POU2F2: variants seen among roughly 807,000 people sequenced by gnomAD.
POU2F2 encodes POU domain, class 2, transcription factor 2.
In POU2F2, 14 loss-of-function variants were observed where a neutral mutation model predicts 63.5. The ratio of observed to expected loss-of-function variants is 0.22; its 90% CI spans 0.15 to 0.34. The LOEUF is 0.34. Ranked by LOEUF, POU2F2 falls within the 10% of genes least tolerant of loss-of-function variation. The pLI is 1.00. For synonymous variants in POU2F2, 306 were observed against 348.6 expected, an observed-to-expected ratio of 0.88 and a Z score of 1.36; for missense variants, 607 against 815.2, an observed-to-expected ratio of 0.74 and a Z score of 3.11.
At chr19:42,139,481 C>T (rs1046135638) in intron 2 of POU2F2, among the ~76,000 whole-genome samples, 11 of 152,014 alleles carry the variant, frequency 7.2e-5, no homozygotes, top group African/African-American at 2.7e-4. Context: ...CCAGCTTGAA[C>T]ATTCTTTTAT....
intron 1 of POU2F2, among the ~76,000 whole-genome samples, chr19:42,132,077 C>T (rs1034207261): frequency 6.6e-6 from 1 of 152,200 alleles, no homozygotes; most frequent in Non-Finnish European, 1.5e-5. Flanking sequence ...TGTCACCCAC[C>T]CCACTGGTTC....
At chr19:42,137,385 A>C (rs1032451370), upstream of POU2F2, among the ~76,000 whole-genome samples, 6 of 152,030 alleles carry the variant, frequency 3.9e-5, no homozygotes, top group African/African-American at 1.4e-4. Context: ...AAAGCCATCA[A>C]ATAAATATGT....
chr19:42,183,980 G>A (rs910523752), intron 1 of POU2F2, among the ~76,000 whole-genome samples: 1 of 149,740 alleles, frequency 6.7e-6, no homozygotes, highest in Non-Finnish European at 1.5e-5. Flanking sequence ...AGGAAACTAT[G>A]AGACACGACT....
rs775649053 is a variant in POU2F2, at chr19:42,162,091, C to CG, written c.-69-1700dup. On this transcript the variant is annotated intron_variant, in intron 1 of 6. Coordinates refer to the POU2F2 transcript ENST00000524801. The surrounding 1 kb of genome is among the most constrained non-coding windows in gnomAD (Gnocchi z 4.1). ...GGTGGGCGAGGGAATCCCCAGGCCT[C>CG]GGGGGGGCCAGAGTCAGACAGCGCC... Among the ~76,000 whole-genome samples the CG allele has an allele frequency of 1.3e-5, 2 of 152,068 alleles. No homozygotes were observed. The highest frequency in any genetic ancestry group is 2.4e-5 in the African/African-American group (1 of 41,416).
At position 42,095,314 on chromosome 19, in the gene POU2F2, C is replaced by T. The variant is rs1239575730; in HGVS notation, c.1169G>A (p.Gly390Glu). 5.6e-6 allele frequency: 9 copies of T among 1,613,674 alleles called. No individual in the cohort carries two copies. The highest frequency in any genetic ancestry group is 1.3e-5 in the African/African-American group (1 of 74,920). Reference protein sequence around the residue: ...CSAAPMLPSPGKPASYSPHMV... With the variant: ...CSAAPMLPSPEKPASYSPHMV... ...ATGGGGGCTGTAGCTGGCCGGCTTC[C>T]CTGGGCTGGGCAGCATGGGGGCCGC... The change falls in exon 11 of 15, where the codon GGG (glycine) becomes GAG (glutamate). Residue 390 changes from glycine (G) to glutamate (E), a missense_variant. Coordinates refer to ENST00000692977, the MANE Select transcript of POU2F2 (RefSeq NM_001394376.1). This position sits in a 1 kb window ranked among gnomAD's most constrained non-coding sequence, Gnocchi z 7.1.
rs1175835225 is a variant in POU2F2, at chr19:42,152,244, A to ATTCTCCTATGAAGG, written c.-9+8074_-9+8087dup. On this transcript the variant is annotated intron_variant, in intron 2 of 6. Coordinates refer to the POU2F2 transcript ENST00000524801. The surrounding 1 kb of genome is among the most constrained non-coding windows in gnomAD (Gnocchi z 4.1). ...AAACAGGCAGATCTTCTGTGCTTAA[A>ATTCTCCTATGAAGG]TTCTCCTATGAAGGCTGAGGTGACT... is the stretch of plus-strand genomic sequence containing the variant. Among the ~76,000 whole-genome samples the ATTCTCCTATGAAGG allele has an allele frequency of 6.6e-6, 1 of 152,076 alleles. No individual in the cohort carries two copies. The highest frequency in any genetic ancestry group is 1.5e-5 in the Non-Finnish European group (1 of 68,006).
intron 5 of POU2F2, among the ~76,000 whole-genome samples, chr19:42,106,713 C>T (rs2030079888): frequency 6.7e-6 from 1 of 149,324 alleles, no homozygotes; most frequent in Non-Finnish European, 1.5e-5. Context: ...AGTTTGAGAC[C>T]AGCCTGGGCA....
chr19:42,137,946 T>A (rs1033953089), intron 2 of POU2F2, among the ~76,000 whole-genome samples: 5 of 150,820 alleles, frequency 3.3e-5, no homozygotes, highest in Non-Finnish European at 7.4e-5. Context: ...TGGAGCAGAG[T>A]GAACAAAGAA....
intron 11 of POU2F2, among the ~76,000 whole-genome samples, 178 bp from the exon 12 acceptor site, chr19:42,094,073 A>T (rs1283589716): frequency 6.6e-6 from 1 of 152,176 alleles, no homozygotes; most frequent in Non-Finnish European, 1.5e-5. Flanking sequence ...CTGAGCCACA[A>T]GCAGGAAGGG....
Position 42,095,542 on chromosome 19 carries a change from C to T in POU2F2, c.1020+3G>A. On this transcript the variant is annotated splice_donor_region_variant and intron_variant, in intron 10 of 14. Transcript: ENST00000692977. The surrounding 1 kb of genome is among the most constrained non-coding windows in gnomAD (Gnocchi z 7.1). Reference sequence around the variant, plus strand: ...AGGGCCACCCAGGAGAGGGGGGCCTCACCGCTAGAAAACTCTTCTCTAAGG... The same window carrying T: ...AGGGCCACCCAGGAGAGGGGGGCCTTACCGCTAGAAAACTCTTCTCTAAGG... 6.2e-7 allele frequency: 1 copy of T among 1,600,304 alleles called. No homozygotes were observed. The highest frequency in any genetic ancestry group is 8.5e-7 in the Non-Finnish European group (1 of 1,172,848).
At chr19:42,107,195 C>T (rs1015268599) in intron 5 of POU2F2, among the ~76,000 whole-genome samples, 3 of 151,508 alleles carry the variant, frequency 2.0e-5, no homozygotes, top group African/African-American at 7.3e-5. Context: ...CAAAAAAATA[C>T]AGAAAAAAAA....
At chr19:42,174,535 A>G (rs1014223773) in intron 1 of POU2F2, among the ~76,000 whole-genome samples, 1 of 151,070 alleles carries the variant, frequency 6.6e-6, no homozygotes, top group Non-Finnish European at 1.5e-5. Flanking sequence ...CCTTCTGCAC[A>G]TATGTCACCC....
upstream of POU2F2, among the ~76,000 whole-genome samples, chr19:42,135,427 C>G (rs953537069): frequency 6.6e-6 from 1 of 152,122 alleles, no homozygotes; most frequent in East Asian, 1.9e-4. Context: ...GGGACCCAAA[C>G]AAGCAGGAAA....
intron 4 of POU2F2, among the ~76,000 whole-genome samples, chr19:42,121,507 C>T (rs2032605926): frequency 6.6e-6 from 1 of 152,180 alleles, no homozygotes; most frequent in Admixed American, 6.5e-5. Context: ...CCACCCCATC[C>T]CTCAGCCACC....
chr19:42,194,525 G>A (rs1383547995), intron 1 of POU2F2, among the ~76,000 whole-genome samples: 2 of 151,956 alleles, frequency 1.3e-5, no homozygotes, highest in African/African-American at 4.8e-5. Flanking sequence ...TTGGGAGGCC[G>A]AGGCTGGCGG....
chr19:42,117,156 C>G lies in POU2F2; in HGVS notation c.369+94G>C, dbSNP rs2032021363. The stretch of plus-strand genomic sequence containing the variant: ...CAAGAGGCAGGTGTGAGAGAGTGGC[C>G]ATGGCCTTGGTGGAACAGTTCATCC... On this transcript the variant is annotated intron_variant, in intron 5 of 14. Transcript: ENST00000692977. The surrounding 1 kb of genome is among the most constrained non-coding windows in gnomAD (Gnocchi z 4.4). 9.6e-7 allele frequency: 1 copy of G among 1,039,464 alleles called. No individual in the cohort carries two copies. Among genetic ancestry groups the G allele is most frequent in the East Asian group, 2.7e-5 (1 of 37,516 alleles). 64.4% of individuals were successfully genotyped at this position (1,039,464 alleles called of 1,614,324 possible). A position where few individuals can be genotyped will look rare whatever the true frequency, so the allele number is the denominator to read the frequency against.
At chr19:42,093,009 A>ATATTTTTTT (rs1491281554) in intron 12 of POU2F2, among the ~76,000 whole-genome samples, 1 of 47,200 alleles carries the variant, frequency 2.1e-5, no homozygotes, top group African/African-American at 6.8e-5. Flanking sequence ...ATATATATAT[A>ATATTTTTTT]TTTTTTTTTT....
intron 1 of POU2F2, among the ~76,000 whole-genome samples, chr19:42,173,775 C>G (rs576125903): frequency 1.3e-5 from 2 of 152,148 alleles, no homozygotes; most frequent in East Asian, 3.9e-4. Flanking sequence ...GACACTGCAA[C>G]CTGCCACAGA....
intron 1 of POU2F2, among the ~76,000 whole-genome samples, chr19:42,186,091 C>T (rs928556422): frequency 6.6e-5 from 10 of 151,896 alleles, no homozygotes; most frequent in African/African-American, 9.7e-5. Flanking sequence ...GACGCCGAGG[C>T]GGGTGGATCA....
Sources: allele counts gnomAD v4.1 joint callset (sites outside exome capture counted in the v4.1 genomes callset), GRCh38; gene constraint gnomAD v4.1.1; non-coding constraint Gnocchi (gnomAD v3.1); transcripts MANE v1.5; gene names NCBI Gene and HGNC (gene_info 2026-07-23, HGNC 2026-07-21).